SKIC3: variants seen among roughly 807,000 people sequenced by gnomAD.
SKIC3 encodes the protein SKI3 subunit of superkiller complex.
the SKIC3 span, among the ~76,000 whole-genome samples, chr5:95,507,762 G>T: frequency 2.0e-5 from 3 of 152,108 alleles, no homozygotes; most frequent in African/African-American, 7.2e-5. Context: ...TTAGATTTAT[G>T]CCTAATTTGT....
At chr5:95,492,652 GAAAAAAAAAAAA>G in the SKIC3 span, among the ~76,000 whole-genome samples, 2 of 48,842 alleles carry the variant, frequency 4.1e-5, no homozygotes, top group South Asian at 8.4e-4. Flanking sequence ...AAAAAAAAAA[GAAAAAAAAAAAA>G]AAAAAAAAAA....
the SKIC3 span, among the ~76,000 whole-genome samples, chr5:95,464,924 CTTT>C: frequency 4.7e-5 from 5 of 106,990 alleles, no homozygotes; most frequent in East Asian, 2.7e-4. Flanking sequence ...ATTCTGATTG[CTTT>C]TTTTTTTTTT....
the SKIC3 span, chr5:95,541,524 C>A: frequency 1.2e-6 from 1 of 825,236 alleles, no homozygotes; most frequent in South Asian, 1.7e-5. Flanking sequence ...TTCTTTCATA[C>A]TACAGTAAAA....
chr5:95,523,709 AGT>A, the SKIC3 span: 1 of 1,613,734 alleles, frequency 6.2e-7, no homozygotes, highest in Admixed American at 1.7e-5. Flanking sequence ...ATTCAGCATC[AGT>A]GTCATCTAAT....
At chr5:95,498,138 G>T in the SKIC3 span, among the ~76,000 whole-genome samples, 1,406 of 152,108 alleles carry the variant, frequency 9.2e-3, 22 homozygotes, top group African/African-American at 0.032. Context: ...CAAAGTTTGG[G>T]CCTTAACCTG....
At chr5:95,474,085 T>C in the SKIC3 span, among the ~76,000 whole-genome samples, 1 of 152,236 alleles carries the variant, frequency 6.6e-6, no homozygotes, top group Non-Finnish European at 1.5e-5. Flanking sequence ...AGTTTGTATA[T>C]ATGCTGAAAG....
the SKIC3 span, among the ~76,000 whole-genome samples, chr5:95,504,100 G>C: frequency 1.5e-5 from 2 of 131,492 alleles, no homozygotes; most frequent in Non-Finnish European, 3.3e-5. Context: ...GGTGGGGGGT[G>C]GGGGGAGGGG....
At chr5:95,513,382 T>C in the SKIC3 span, 1 of 584,164 alleles carries the variant, frequency 1.7e-6, no homozygotes, top group Non-Finnish European at 3.0e-6. Context: ...TTTTAATTTT[T>C]TTTTTTAAGA....
chr5:95,514,452 A>G, the SKIC3 span, among the ~76,000 whole-genome samples: 1 of 152,214 alleles, frequency 6.6e-6, no homozygotes, highest in Non-Finnish European at 1.5e-5. Context: ...CAGAAACATA[A>G]TATTCAAAAT....
chr5:95,539,113 T>G, the SKIC3 span, among the ~76,000 whole-genome samples: 2 of 152,216 alleles, frequency 1.3e-5, no homozygotes, highest in Non-Finnish European at 2.9e-5. Context: ...AATTTAAAAT[T>G]GTACATTTAC....
chr5:95,492,636 C>CACAA, the SKIC3 span, among the ~76,000 whole-genome samples: 1 of 14,130 alleles, frequency 7.1e-5, no homozygotes, highest in Admixed American at 1.1e-3. Context: ...GACTCCGTCT[C>CACAA]AAAAAAAAAA....
chr5:95,501,884 G>A, the SKIC3 span, among the ~76,000 whole-genome samples: 1,894 of 152,098 alleles, frequency 0.012, 43 homozygotes, highest in African/African-American at 0.044. Flanking sequence ...TATATATAAC[G>A]ATAGATACAT....
the SKIC3 span, among the ~76,000 whole-genome samples, chr5:95,550,411 AC>A: frequency 2.0e-5 from 3 of 151,800 alleles, no homozygotes; most frequent in East Asian, 1.9e-4. Context: ...AGGAAAAAAA[AC>A]GATATCTTTA....
the SKIC3 span, chr5:95,517,463 T>G: frequency 4.3e-6 from 4 of 931,996 alleles, no homozygotes; most frequent in East Asian, 1.1e-4. Flanking sequence ...TCATATCACC[T>G]CCCTAATAGG....
chr5:95,544,839 A>G, the SKIC3 span, among the ~76,000 whole-genome samples: 1 of 152,196 alleles, frequency 6.6e-6, no homozygotes, highest in Non-Finnish European at 1.5e-5. Flanking sequence ...GAACATAGAG[A>G]AAAAAGTACC....
the SKIC3 span, among the ~76,000 whole-genome samples, chr5:95,507,867 AT>A: frequency 1.3e-5 from 2 of 151,712 alleles, no homozygotes; most frequent in Non-Finnish European, 2.9e-5. Context: ...TGGAGATGCC[AT>A]TTTAAGCCTA....
the SKIC3 span, among the ~76,000 whole-genome samples, chr5:95,552,263 T>C: frequency 2.0e-4 from 31 of 152,326 alleles, 1 homozygote; most frequent in African/African-American, 7.5e-4. Context: ...CTACACTACA[T>C]GAATACTAGA....
At chr5:95,530,419 A>G in the SKIC3 span, among the ~76,000 whole-genome samples, 8 of 152,290 alleles carry the variant, frequency 5.3e-5, no homozygotes, top group African/African-American at 1.7e-4. Flanking sequence ...AATAATTATG[A>G]TTTTTCATCT....
the SKIC3 span, among the ~76,000 whole-genome samples, chr5:95,477,646 A>G: frequency 6.6e-6 from 1 of 152,212 alleles, no homozygotes. Flanking sequence ...TATTTCTTAT[A>G]TATGTTTCCA....
Sources: allele counts gnomAD v4.1 joint callset (sites outside exome capture counted in the v4.1 genomes callset), GRCh38; gene constraint gnomAD v4.1.1; transcripts MANE v1.5; gene names NCBI Gene and HGNC (gene_info 2026-07-23, HGNC 2026-07-21).